ZRANB3: variants seen among roughly 807,000 people sequenced by gnomAD.
ZRANB3 encodes the protein DNA annealing helicase and endonuclease ZRANB3.
ZRANB3 carries 125 observed loss-of-function variants against 133.8 expected under a neutral mutation model. The observed-to-expected ratio is 0.93, with a 90% confidence interval of 0.81 to 1.08. The LOEUF (loss-of-function observed/expected upper bound fraction) is 1.08, where lower values mean the gene tolerates loss of function less well. Among genes scored for constraint, ZRANB3 ranks in the 50% least tolerant of loss-of-function variants. ZRANB3 has a pLI of 0.00. For synonymous variants in ZRANB3, 387 were observed against 432.7 expected (o/e 0.89, Z 1.31); for missense variants, 1,229 against 1,275.5 (o/e 0.96, Z 0.56).
Position 135,353,544 on chromosome 2 carries a change from A to T in ZRANB3, c.265T>A (p.Ser89Thr), listed in dbSNP as rs771862923. 1.9e-6 allele frequency: 3 copies of T among 1,610,948 alleles called. No homozygotes were observed. The East Asian group carries it at 6.7e-5, about 36-fold the overall frequency. Reference sequence around the variant, plus strand: ...TCTTCTGTCCAAGGGTACCTCAGAGACGAAGGGACCACTATTAACAGAGGC... The same window carrying T: ...TCTTCTGTCCAAGGGTACCTCAGAGTCGAAGGGACCACTATTAACAGAGGC... ...EWPLLIVVPSSLRYPWTEEIE... is the reference protein window; with the variant it reads ...EWPLLIVVPSTLRYPWTEEIE... Residue 89 changes from serine to threonine, a missense_variant, in exon 4 of 21, where the codon TCT (serine) becomes ACT (threonine). Coordinates refer to ENST00000264159, the MANE Select transcript of ZRANB3 (RefSeq NM_032143.4).
intron 2 of ZRANB3, among the ~76,000 whole-genome samples, chr2:135,480,641 T>G (rs1166824996): frequency 6.6e-6 from 1 of 151,890 alleles, no homozygotes; most frequent in South Asian, 2.1e-4. Context: ...TACTTTAAGT[T>G]TTAGGGTACA....
intron 8 of ZRANB3, among the ~76,000 whole-genome samples, chr2:135,306,282 T>C (rs1242367538): frequency 6.7e-6 from 1 of 148,234 alleles, no homozygotes; most frequent in Non-Finnish European, 1.5e-5. Flanking sequence ...TTCATCTGAC[T>C]GATTTTTTTT....
intron 2 of ZRANB3, among the ~76,000 whole-genome samples, chr2:135,399,970 G>T (rs1687663962): frequency 1.3e-5 from 2 of 152,140 alleles, no homozygotes; most frequent in African/African-American, 4.8e-5. Context: ...GGCTGGGTAT[G>T]GTGGCTCACA....
intron 2 of ZRANB3, among the ~76,000 whole-genome samples, chr2:135,482,815 T>G (rs981101695): frequency 1.4e-4 from 21 of 152,336 alleles, no homozygotes; most frequent in Admixed American, 3.3e-4. Flanking sequence ...TATTGAGAGT[T>G]TTCAGCATGA....
At chr2:135,382,631 C>T (rs559368642) in intron 3 of ZRANB3, among the ~76,000 whole-genome samples, 9 of 152,280 alleles carry the variant, frequency 5.9e-5, no homozygotes, top group East Asian at 1.9e-4. Context: ...ATCAGACTAA[C>T]GGCGGATCTC....
intron 1 of ZRANB3, among the ~76,000 whole-genome samples, chr2:135,526,355 G>C (rs1388895930): frequency 6.6e-6 from 1 of 151,876 alleles, no homozygotes; most frequent in African/African-American, 2.4e-5. Flanking sequence ...GTAGAGACAG[G>C]GTTTCACCAT....
At chr2:135,393,682 C>T (rs6729515) in intron 2 of ZRANB3, among the ~76,000 whole-genome samples, 1,572 of 152,096 alleles carry the variant, frequency 0.01, 25 homozygotes, top group African/African-American at 0.036. Context: ...ATCTATTATA[C>T]CCTTGTAAAA....
intron 1 of ZRANB3, among the ~76,000 whole-genome samples, chr2:135,506,459 C>T (rs1029199878): frequency 6.6e-6 from 1 of 151,888 alleles, no homozygotes; most frequent in Admixed American, 6.6e-5. Flanking sequence ...ATGAAGCTAC[C>T]GAGATAAACA....
chr2:135,283,198 T>C (rs764708823), intron 8 of ZRANB3, among the ~76,000 whole-genome samples: 7 of 152,156 alleles, frequency 4.6e-5, no homozygotes, highest in Non-Finnish European at 1.0e-4. Flanking sequence ...GGCAGAAGGA[T>C]TGCTTGAGCC....
At chr2:135,257,318 A>C (rs1172198749) in intron 12 of ZRANB3, among the ~76,000 whole-genome samples, 1 of 152,172 alleles carries the variant, frequency 6.6e-6, no homozygotes, top group Non-Finnish European at 1.5e-5. Flanking sequence ...ATATAGATTA[A>C]CCACACTTTG....
intron 2 of ZRANB3, among the ~76,000 whole-genome samples, chr2:135,461,013 T>C (rs1690740698): frequency 6.6e-6 from 1 of 152,204 alleles, no homozygotes; most frequent in Non-Finnish European, 1.5e-5. Context: ...ATAGTAGCTA[T>C]CAGGTGCTGT....
chr2:135,349,914 G>T, intron 5 of ZRANB3, 70 bp downstream of exon 5: 2 of 1,369,640 alleles, frequency 1.5e-6, no homozygotes, highest in South Asian at 1.3e-5. Context: ...TTGCAAAACA[G>T]GTGGTTGATT....
chr2:135,201,294 A>G (rs1245616117), intron 20 of ZRANB3, among the ~76,000 whole-genome samples: 1 of 152,200 alleles, frequency 6.6e-6, no homozygotes, highest in African/African-American at 2.4e-5. Context: ...CTGAGAAATC[A>G]GATGACTTTT....
intron 2 of ZRANB3, among the ~76,000 whole-genome samples, chr2:135,432,507 C>CTAA (rs1205881797): frequency 6.6e-6 from 1 of 152,046 alleles, no homozygotes; most frequent in African/African-American, 2.4e-5. Flanking sequence ...GAAAGACTTC[C>CTAA]TAATAATAAT....
At chr2:135,310,413 G>A (rs1573885132) in intron 8 of ZRANB3, among the ~76,000 whole-genome samples, 1 of 152,100 alleles carries the variant, frequency 6.6e-6, no homozygotes, top group African/African-American at 2.4e-5. Context: ...GTTTTGATGA[G>A]TGTTGTAACA....
At chr2:135,388,032 G>A (rs1687058577) in intron 3 of ZRANB3, among the ~76,000 whole-genome samples, 1 of 152,200 alleles carries the variant, frequency 6.6e-6, no homozygotes, top group Non-Finnish European at 1.5e-5. Context: ...CCGAGTCTGG[G>A]TAATTTATAA....
intron 4 of ZRANB3, among the ~76,000 whole-genome samples, chr2:135,350,762 C>G (rs2104873729): frequency 6.6e-6 from 1 of 152,290 alleles, no homozygotes; most frequent in South Asian, 2.1e-4. Context: ...GAGTCCGAAG[C>G]TTTTGTGACA....
At chr2:135,497,674 T>C (rs939355933) in intron 2 of ZRANB3, among the ~76,000 whole-genome samples, 7 of 152,136 alleles carry the variant, frequency 4.6e-5, no homozygotes, top group African/African-American at 1.7e-4. Context: ...ATGACAAAAG[T>C]AACATTACAA....
Position 135,476,606 on chromosome 2 carries a change from T to C in ZRANB3, c.161+27723A>G, listed in dbSNP as rs190223033. Among the ~76,000 whole-genome samples the C allele has an allele frequency of 2.1e-4, 32 of 152,024 alleles. 1 individual carries two copies. The highest frequency in any genetic ancestry group is 1.9e-3 in the Admixed American group (29 of 15,260). ...ACTTTGTACATTTTCTTAATGGTAC[T>C]AAACACTAGGTAATTAAGTTACAAA... is the stretch of plus-strand genomic sequence containing the variant. On this transcript the variant is annotated intron_variant, in intron 2 of 20. Coordinates refer to ENST00000264159, the MANE Select transcript of ZRANB3 (RefSeq NM_032143.4).
Sources: gnomAD v4.1 joint callset for allele counts (sites outside exome capture counted in the v4.1 genomes callset) on GRCh38, gnomAD v4.1.1 for gene constraint, MANE v1.5 for transcripts, NCBI Gene and HGNC (gene_info 2026-07-23, HGNC 2026-07-21) for gene names.